RNF130: variants seen among roughly 807,000 people sequenced by gnomAD.
RNF130 encodes the protein ring finger protein 130.
RNF130 carries 21 observed loss-of-function variants against 44.6 expected under a neutral mutation model. The ratio of observed to expected loss-of-function variants is 0.47; its 90% confidence interval spans 0.33 to 0.68. The LOEUF is 0.68. Ranked by LOEUF, RNF130 falls within the 30% of genes least tolerant of loss-of-function variation. The pLI, the probability that RNF130 is intolerant of heterozygous loss-of-function variation, is 0.02. For synonymous variants in RNF130, 214 were observed against 210.4 expected (o/e 1.02, Z -0.15); for missense variants, 479 against 560.6 (o/e 0.85, Z 1.47).
intron 3 of RNF130, among the ~76,000 whole-genome samples, chr5:180,009,042 T>C (rs1347628775): frequency 6.6e-6 from 1 of 152,188 alleles, no homozygotes; most frequent in East Asian, 1.9e-4. Context: ...AGGCATAGCC[T>C]TAAAGAAGTG....
chr5:179,911,661 C>A (rs1761469493), exon 8 of RNF130: 1 of 152,228 alleles, frequency 6.6e-6, no homozygotes, highest in Non-Finnish European at 1.5e-5. Context: ...TCAGCTTTTT[C>A]AATAGGTTTT....
intron 7 of RNF130, among the ~76,000 whole-genome samples, chr5:179,948,997 GCT>G (rs1470281867): frequency 2.9e-5 from 4 of 136,430 alleles, no homozygotes. Context: ...ATGGAGTCTC[GCT>G]CTGTCACCCA....
chr5:179,935,401 A>T (rs904300294), intron 7 of RNF130, among the ~76,000 whole-genome samples: 23 of 152,144 alleles, frequency 1.5e-4, no homozygotes, highest in Non-Finnish European at 2.8e-4. Context: ...GTGACATTCA[A>T]ATCTTCTAGA....
chr5:180,009,942 C>T (rs1272942454), intron 3 of RNF130, among the ~76,000 whole-genome samples: 4 of 151,766 alleles, frequency 2.6e-5, no homozygotes, highest in African/African-American at 9.7e-5. Context: ...ATGACTGATA[C>T]ACATAACAAC....
At chr5:179,925,253 G>C (rs957723977) in intron 7 of RNF130, among the ~76,000 whole-genome samples, 1 of 150,458 alleles carries the variant, frequency 6.6e-6, no homozygotes, top group East Asian at 2.0e-4. Context: ...GGAGCGGAGA[G>C]GGGCTGAAAG....
At chr5:179,978,323 G>A (rs1327859114) in intron 4 of RNF130, 38 bp from the exon 5 acceptor site, 1 of 1,366,288 alleles carries the variant, frequency 7.3e-7, no homozygotes, top group African/African-American at 1.4e-5. Flanking sequence ...GTCACACGCT[G>A]CAAGTATATA....
intron 8 of RNF130, among the ~76,000 whole-genome samples, chr5:179,961,384 T>G (rs923104384): frequency 6.6e-6 from 1 of 152,190 alleles, no homozygotes; most frequent in African/African-American, 2.4e-5. Flanking sequence ...GGGAGAAGGG[T>G]TGAACTAAGT....
At chr5:180,043,006 C>T (rs1764461999) in intron 1 of RNF130, among the ~76,000 whole-genome samples, 1 of 152,164 alleles carries the variant, frequency 6.6e-6, no homozygotes, top group Non-Finnish European at 1.5e-5. Context: ...CAGAATTTTA[C>T]ACGTGAAAAA....
At chr5:180,010,244 CAAAAAAAAAAA>C (rs71001067) in intron 3 of RNF130, among the ~76,000 whole-genome samples, 3 of 41,096 alleles carry the variant, frequency 7.3e-5, no homozygotes, top group South Asian at 1.6e-3. Context: ...GACTACATCT[CAAAAAAAAAAA>C]AAAAAAAAAA....
intron 3 of RNF130, among the ~76,000 whole-genome samples, chr5:180,007,697 G>C (rs1487180285): frequency 6.6e-6 from 1 of 152,216 alleles, no homozygotes; most frequent in African/African-American, 2.4e-5. Context: ...CATGCAGTCA[G>C]CCGCAAAATA....
chr5:180,054,251 G>A (rs1426882276), intron 1 of RNF130, among the ~76,000 whole-genome samples: 3 of 151,994 alleles, frequency 2.0e-5, no homozygotes, highest in Non-Finnish European at 2.9e-5. Flanking sequence ...GATTTGTAAC[G>A]ACCCAGCTTT....
exon 8 of RNF130, chr5:179,918,455 C>T (rs541627990): frequency 6.6e-6 from 1 of 152,280 alleles, no homozygotes; most frequent in Non-Finnish European, 1.5e-5. Context: ...GTGGTATAGA[C>T]AACACGGCAA....
chr5:179,973,026 C>T lies in RNF130; in HGVS notation c.849-2520G>A, dbSNP rs114445829. On this transcript the variant is annotated intron_variant, in intron 5 of 8. Transcript: ENST00000521389. ...TGACAAATTTAGAAAACCTCCCTTC[C>T]TCAGCTAAATGAAAATCTGAAATAT... Among the ~76,000 whole-genome samples, 477 of 152,268 alleles carry T rather than the reference C, an allele frequency of 3.1e-3. 2 individuals are homozygous for T. Among genetic ancestry groups the T allele is most frequent in the African/African-American group, 0.011 (445 of 41,548 alleles).
At chr5:180,021,573 T>C (rs1216635323) in intron 2 of RNF130, among the ~76,000 whole-genome samples, 2 of 152,068 alleles carry the variant, frequency 1.3e-5, no homozygotes, top group African/African-American at 4.8e-5. Flanking sequence ...CACTTCAGTC[T>C]TTTTTCCATA....
intron 6 of RNF130, among the ~76,000 whole-genome samples, chr5:179,968,285 A>ACT (rs770016485): frequency 2.0e-4 from 31 of 151,566 alleles, no homozygotes; most frequent in Middle Eastern, 3.4e-3. Flanking sequence ...ACAGAGCAAG[A>ACT]CTGTCTCAAA....
intron 3 of RNF130, among the ~76,000 whole-genome samples, chr5:180,012,760 G>A (rs1266836222): frequency 6.6e-6 from 1 of 152,088 alleles, no homozygotes; most frequent in Non-Finnish European, 1.5e-5. Context: ...CAAAGTTACT[G>A]GTTTAAAAAT....
intron 5 of RNF130, 41 bp from the exon 6 acceptor site, chr5:179,970,547 A>T (rs998164023): frequency 6.7e-7 from 1 of 1,486,468 alleles, no homozygotes; most frequent in Admixed American, 1.9e-5. Context: ...TTACATACCA[A>T]GAAACTTATT....
At chr5:180,030,334 T>G (rs1247799690) in intron 2 of RNF130, among the ~76,000 whole-genome samples, 1 of 152,218 alleles carries the variant, frequency 6.6e-6, no homozygotes, top group African/African-American at 2.4e-5. Flanking sequence ...GTGTTGCTTT[T>G]GAACTTTAGT....
chr5:180,024,703 A>G (rs967891674), intron 2 of RNF130, among the ~76,000 whole-genome samples: 1 of 152,244 alleles, frequency 6.6e-6, no homozygotes, highest in African/African-American at 2.4e-5. Flanking sequence ...CCAAACGGAA[A>G]CTTGGAAATT....
Sources: allele counts gnomAD v4.1 joint callset (sites outside exome capture counted in the v4.1 genomes callset), GRCh38; gene constraint gnomAD v4.1.1; transcripts MANE v1.5; gene names NCBI Gene and HGNC (gene_info 2026-07-23, HGNC 2026-07-21).